SUGCT: variants seen among roughly 807,000 people sequenced by gnomAD.
SUGCT encodes the protein succinyl-CoA:glutarate CoA-transferase.
A neutral mutation model predicts 55.0 loss-of-function variants in SUGCT; 41 were observed. The ratio of observed to expected loss-of-function variants is 0.74; its 90% CI spans 0.58 to 0.97. SUGCT has a LOEUF of 0.97. Among genes scored for constraint, SUGCT ranks in the 50% least tolerant of loss-of-function variants. The pLI is 0.00. For missense variants in SUGCT, 568 were observed against 547.8 expected (o/e 1.04, Z -0.37); for synonymous variants, 187 against 200.4 (o/e 0.93, Z 0.56).
At chr7:40,591,104 A>G (rs1797694638) in intron 12 of SUGCT, among the ~76,000 whole-genome samples, 1 of 152,186 alleles carries the variant, frequency 6.6e-6, no homozygotes. Flanking sequence ...GATTCCTCCG[A>G]TGGATCTGGG....
chr7:40,538,513 C>T (rs1450707492), intron 12 of SUGCT: 3 of 152,178 alleles, frequency 2.0e-5, no homozygotes, highest in African/African-American at 7.2e-5. Flanking sequence ...TTGTGGTCAC[C>T]ACATTTTTTG....
intron 6 of SUGCT, among the ~76,000 whole-genome samples, chr7:40,219,003 T>G (rs1787854571): frequency 1.3e-5 from 2 of 152,150 alleles, no homozygotes; most frequent in Non-Finnish European, 2.9e-5. Flanking sequence ...TTGCTACTAC[T>G]CACTCTTTGG....
chr7:40,206,255 A>G (rs1407140384), intron 6 of SUGCT, among the ~76,000 whole-genome samples: 3 of 152,210 alleles, frequency 2.0e-5, no homozygotes, highest in African/African-American at 7.2e-5. Context: ...AAAAAATTTT[A>G]TACTTAAAAG....
intron 9 of SUGCT, among the ~76,000 whole-genome samples, chr7:40,366,071 G>C (rs1168526843): frequency 6.6e-6 from 1 of 152,128 alleles, no homozygotes. Flanking sequence ...CAGAGATATA[G>C]ATCAGTGGAA....
chr7:40,612,646 T>C (rs1159782317), intron 12 of SUGCT, among the ~76,000 whole-genome samples: 1 of 152,220 alleles, frequency 6.6e-6, no homozygotes, highest in African/African-American at 2.4e-5. Flanking sequence ...CTCTGTGCCT[T>C]TTCTCATCTG....
chr7:41,023,361 A>G, the SUGCT span, among the ~76,000 whole-genome samples: 2 of 152,232 alleles, frequency 1.3e-5, no homozygotes, highest in South Asian at 2.1e-4. Context: ...AAAGTAAGGA[A>G]TGAGAAAAGA....
intron 12 of SUGCT, among the ~76,000 whole-genome samples, chr7:40,543,150 C>G (rs1468909589): frequency 6.6e-6 from 1 of 152,184 alleles, no homozygotes; most frequent in Non-Finnish European, 1.5e-5. Flanking sequence ...CATCTCTACC[C>G]ATTTCTCAAA....
intron 12 of SUGCT, among the ~76,000 whole-genome samples, chr7:40,682,060 C>A (rs1234577558): frequency 1.3e-5 from 2 of 152,170 alleles, no homozygotes; most frequent in Non-Finnish European, 2.9e-5. Flanking sequence ...ACTACTATTA[C>A]CTTTTTGCTT....
At chr7:40,562,038 G>A (rs1448379127) in intron 12 of SUGCT, among the ~76,000 whole-genome samples, 1 of 150,188 alleles carries the variant, frequency 6.7e-6, no homozygotes, top group South Asian at 2.2e-4. Flanking sequence ...AGTGGCTCAT[G>A]CCTGTAATCC....
At chr7:40,150,675 A>C (rs774289055) in intron 1 of SUGCT, among the ~76,000 whole-genome samples, 3 of 151,892 alleles carry the variant, frequency 2.0e-5, no homozygotes, top group African/African-American at 4.8e-5. Flanking sequence ...ACACACAACA[A>C]AACAAAACAA....
chr7:40,415,421 CTTT>C (rs1043431997), intron 9 of SUGCT, among the ~76,000 whole-genome samples: 1 of 144,384 alleles, frequency 6.9e-6, no homozygotes. Flanking sequence ...GTTGCTTATA[CTTT>C]TTTTTTTTAC....
chr7:40,421,615 A>G (rs1315133909), intron 9 of SUGCT, among the ~76,000 whole-genome samples: 1 of 152,218 alleles, frequency 6.6e-6, no homozygotes, highest in Non-Finnish European at 1.5e-5. Flanking sequence ...TACAGTGGGC[A>G]TGGCCCCTAC....
the SUGCT span, among the ~76,000 whole-genome samples, chr7:40,912,048 A>G: frequency 6.6e-6 from 1 of 152,150 alleles, no homozygotes; most frequent in Non-Finnish European, 1.5e-5. Context: ...ATTGGCTTTT[A>G]TATGACAAAT....
intron 12 of SUGCT, among the ~76,000 whole-genome samples, chr7:40,646,701 C>T (rs1003003018): frequency 1.3e-5 from 2 of 152,164 alleles, no homozygotes; most frequent in Non-Finnish European, 2.9e-5. Flanking sequence ...ACAAACAGGC[C>T]TTCCCCAACT....
chr7:40,330,678 TG>T (rs1277757824), intron 9 of SUGCT, among the ~76,000 whole-genome samples: 2 of 90,312 alleles, frequency 2.2e-5, no homozygotes, highest in Non-Finnish European at 4.4e-5. Flanking sequence ...TTTCCTCTTC[TG>T]GATGGGGGGG....
intron 12 of SUGCT, among the ~76,000 whole-genome samples, chr7:40,648,523 T>A (rs1369164563): frequency 6.6e-6 from 1 of 152,196 alleles, no homozygotes; most frequent in Admixed American, 6.5e-5. Context: ...CTGGCACCTG[T>A]GTCTGGTACC....
intron 12 of SUGCT, among the ~76,000 whole-genome samples, chr7:40,719,393 CT>C (rs1786197699): frequency 6.6e-6 from 1 of 152,200 alleles, no homozygotes; most frequent in African/African-American, 2.4e-5. Flanking sequence ...CTTTCCACCC[CT>C]GACCATGGTC....
At chr7:40,899,546 A>T in the SUGCT span, among the ~76,000 whole-genome samples, 1 of 152,152 alleles carries the variant, frequency 6.6e-6, no homozygotes, top group Non-Finnish European at 1.5e-5. Flanking sequence ...AACAAAACTC[A>T]TAAGACGGCA....
intron 1 of SUGCT, chr7:40,153,209 G>GC (rs1272917864): frequency 8.1e-6 from 3 of 371,082 alleles, no homozygotes; most frequent in Non-Finnish European, 1.6e-5. Flanking sequence ...AAAGGAGATA[G>GC]CAACATTAGT....
Sources: allele counts gnomAD v4.1 joint callset (sites outside exome capture counted in the v4.1 genomes callset), GRCh38; gene constraint gnomAD v4.1.1; transcripts MANE v1.5; gene names NCBI Gene and HGNC (gene_info 2026-07-23, HGNC 2026-07-21).